Variants in CNKSR2 observed in about 807,000 individuals in gnomAD.
CNKSR2 encodes CNK homolog protein 2.
In CNKSR2, 14 loss-of-function variants were observed where a neutral mutation model predicts 84.4. That is an observed-to-expected ratio of 0.17 (90% confidence interval 0.11 to 0.26). The LOEUF (loss-of-function observed/expected upper bound fraction) is 0.26. Among genes scored for constraint, CNKSR2 ranks in the 10% least tolerant of loss-of-function variants. The probability of loss-of-function intolerance (pLI) is 1.00; values close to 1 mark genes in which losing one functional copy is unlikely to be tolerated. For missense variants in CNKSR2, 485 were observed against 771.2 expected (o/e 0.63, Z 4.40); for synonymous variants, 275 against 277.9 (o/e 0.99, Z 0.10).
intron 1 of CNKSR2, among the ~76,000 whole-genome samples, chrX:21,394,785 A>G (rs1037503663): frequency 5.3e-5 from 6 of 112,166 alleles, no homozygotes; most frequent in Admixed American, 3.8e-4. Flanking sequence ...ATTATTATAC[A>G]TAGTGATCAA....
chrX:21,639,297 T>G (rs2147334186), intron 20 of CNKSR2, among the ~76,000 whole-genome samples: 1 of 111,531 alleles, frequency 9.0e-6, no homozygotes, highest in Non-Finnish European at 1.9e-5. Flanking sequence ...TAGGTTTTTG[T>G]GTTTTAGAGA....
intron 1 of CNKSR2, 58 bp downstream of exon 1, chrX:21,375,019 G>T (rs1242139784): frequency 2.0e-6 from 2 of 999,137 alleles, no homozygotes; most frequent in African/African-American, 1.9e-5. Flanking sequence ...CCAGTGCGAG[G>T]TTAGGAGGGG....
intron 13 of CNKSR2, among the ~76,000 whole-genome samples, chrX:21,573,892 C>G (rs1317073167): frequency 8.9e-6 from 1 of 112,009 alleles, no homozygotes; most frequent in Non-Finnish European, 1.9e-5. Context: ...AATTTCTCCC[C>G]AGAAAATGGG....
intron 1 of CNKSR2, among the ~76,000 whole-genome samples, chrX:21,417,877 TA>T (rs2147032033): frequency 9.0e-6 from 1 of 111,634 alleles, no homozygotes; most frequent in South Asian, 3.8e-4. Flanking sequence ...TATGACTTTT[TA>T]TTGGAGAGTT....
intron 7 of CNKSR2, among the ~76,000 whole-genome samples, chrX:21,499,778 A>G (rs1338955996): frequency 1.8e-5 from 2 of 110,537 alleles, no homozygotes; most frequent in Non-Finnish European, 3.8e-5. Flanking sequence ...TAGTTTTCTT[A>G]TATGTGAAAT....
At chrX:21,587,493 T>C (rs188191309) in intron 13 of CNKSR2, among the ~76,000 whole-genome samples, 68 of 112,306 alleles carry the variant, frequency 6.1e-4, no homozygotes, top group African/African-American at 2.1e-3. Flanking sequence ...AGTTAGTTGT[T>C]GTAGCACCTT....
At chrX:21,408,831 A>G (rs1205239982) in intron 1 of CNKSR2, among the ~76,000 whole-genome samples, 2 of 110,708 alleles carry the variant, frequency 1.8e-5, no homozygotes. Context: ...ACTCCTATCT[A>G]TGAAACTAGG....
At chrX:21,538,573 T>C (rs2091950070) in intron 11 of CNKSR2, 1 of 111,659 alleles carries the variant, frequency 9.0e-6, no homozygotes, top group Admixed American at 9.5e-5. Flanking sequence ...GATATATGTA[T>C]ATATGAAAGG....
chrX:21,461,687 TA>T (rs902886163), intron 4 of CNKSR2, among the ~76,000 whole-genome samples: 2 of 112,582 alleles, frequency 1.8e-5, no homozygotes, highest in Non-Finnish European at 3.7e-5. Context: ...TTTAAGTCTT[TA>T]ATCCATTTTT....
intron 13 of CNKSR2, among the ~76,000 whole-genome samples, chrX:21,569,349 C>G (rs1165834369): frequency 2.7e-5 from 3 of 111,243 alleles, no homozygotes; most frequent in Non-Finnish European, 5.7e-5. Flanking sequence ...AAAGTTTGCT[C>G]TATCAATTTA....
At chrX:21,605,003 T>G (rs2092507911) in intron 18 of CNKSR2, among the ~76,000 whole-genome samples, 1 of 111,948 alleles carries the variant, frequency 8.9e-6, no homozygotes, top group Non-Finnish European at 1.9e-5. Context: ...GTTCTAATAT[T>G]TATTGAGTGC....
At chrX:21,586,447 G>C (rs2092388937) in intron 13 of CNKSR2, among the ~76,000 whole-genome samples, 1 of 111,617 alleles carries the variant, frequency 9.0e-6, no homozygotes, top group African/African-American at 3.3e-5. Context: ...AAAACGCCTG[G>C]TTAGTGTCCC....
chrX:21,428,305 A>G (rs1462625510), intron 2 of CNKSR2: 1 of 111,913 alleles, frequency 8.9e-6, no homozygotes, highest in African/African-American at 3.2e-5. Context: ...TCTGTTCCTC[A>G]TATAAAGGAA....
At chrX:21,543,845 C>T (rs1025384900) in intron 11 of CNKSR2, among the ~76,000 whole-genome samples, 2 of 109,065 alleles carry the variant, frequency 1.8e-5, no homozygotes, top group Non-Finnish European at 3.8e-5. Flanking sequence ...TTTTTTGAGA[C>T]AGGGTCTTGC....
At chrX:21,613,185 G>A (rs1157931818) in intron 20 of CNKSR2, among the ~76,000 whole-genome samples, 1 of 112,293 alleles carries the variant, frequency 8.9e-6, no homozygotes, top group Non-Finnish European at 1.9e-5. Flanking sequence ...AATTATGAAA[G>A]TATGGGACAA....
intron 1 of CNKSR2, among the ~76,000 whole-genome samples, chrX:21,376,883 A>G (rs1185632670): frequency 9.0e-6 from 1 of 111,413 alleles, no homozygotes. Flanking sequence ...CCCTCTCTCC[A>G]TAGTTTAGGT....
chrX:21,394,106 G>A (rs2090088342), intron 1 of CNKSR2, among the ~76,000 whole-genome samples: 1 of 111,674 alleles, frequency 9.0e-6, no homozygotes, highest in Non-Finnish European at 1.9e-5. Flanking sequence ...ATTTTAAAAT[G>A]GAGATAATTA....
intron 4 of CNKSR2, among the ~76,000 whole-genome samples, chrX:21,464,570 C>T (rs2091102757): frequency 9.0e-6 from 1 of 111,236 alleles, no homozygotes; most frequent in Non-Finnish European, 1.9e-5. Flanking sequence ...CACAACTTTG[C>T]GGAGATTCCC....
chrX:21,470,353 ATGTT>A (rs769182973), intron 4 of CNKSR2, among the ~76,000 whole-genome samples: 247 of 111,860 alleles, frequency 2.2e-3, no homozygotes, highest in African/African-American at 7.5e-3. Flanking sequence ...ATTGAAATAA[ATGTT>A]AGTGTGTTTT....
Sources: allele counts gnomAD v4.1 joint callset (sites outside exome capture counted in the v4.1 genomes callset), GRCh38; gene constraint gnomAD v4.1.1; transcripts MANE v1.5; gene names NCBI Gene and HGNC (gene_info 2026-07-23, HGNC 2026-07-21).